The following RASEF variants were observed in gnomAD, a reference collection of about 807,000 sequenced individuals.
RASEF encodes the protein RAS and EF-hand domain containing, also known as ras and EF-hand domain-containing protein.
RASEF carries 68 observed loss-of-function variants against 90.1 expected under a neutral mutation model. The observed-to-expected ratio is 0.75, with a 90% CI of 0.62 to 0.92. The LOEUF (loss-of-function observed/expected upper bound fraction) is 0.92. Among genes scored for constraint, RASEF ranks in the 40% least tolerant of loss-of-function variants. RASEF has a pLI of 0.00. For synonymous variants in RASEF, 331 were observed against 345.2 expected, an observed-to-expected ratio of 0.96 and a Z score of 0.46; for missense variants, 949 against 937.2, an observed-to-expected ratio of 1.01 and a Z score of -0.16.
chr9:83,173,147 T>C, the RASEF span, among the ~76,000 whole-genome samples: 1 of 151,996 alleles, frequency 6.6e-6, no homozygotes. Context: ...GTTATTTGCT[T>C]CTTTTCAATT....
At chr9:82,998,923 T>C (rs1383720249) in intron 12 of RASEF, among the ~76,000 whole-genome samples, 2 of 152,170 alleles carry the variant, frequency 1.3e-5, no homozygotes, top group African/African-American at 2.4e-5. Flanking sequence ...TGTATACATA[T>C]GCGTGTGTAT....
intron 5 of RASEF, 86 bp downstream of exon 5, chr9:83,012,348 C>T: frequency 3.1e-6 from 2 of 645,732 alleles, no homozygotes; most frequent in Non-Finnish European, 2.5e-6. Flanking sequence ...TCCCTTTAAG[C>T]TGCTCTTCCT....
At chr9:83,058,682 C>G (rs925577519) in intron 1 of RASEF, among the ~76,000 whole-genome samples, 13 of 152,198 alleles carry the variant, frequency 8.5e-5, no homozygotes, top group African/African-American at 3.1e-4. Flanking sequence ...CCTCTGCCTA[C>G]TGGCAGCTAC....
intron 1 of RASEF, among the ~76,000 whole-genome samples, chr9:83,061,338 T>C (rs563472665): frequency 2.4e-4 from 36 of 152,290 alleles, no homozygotes; most frequent in African/African-American, 8.4e-4. Context: ...GGGCTTCCAA[T>C]GAACAAGCAC....
the RASEF span, among the ~76,000 whole-genome samples, chr9:83,175,610 T>G: frequency 2.0e-5 from 3 of 151,926 alleles, no homozygotes; most frequent in African/African-American, 7.3e-5. Flanking sequence ...AGATGGAGTC[T>G]CACTCTGTTG....
intron 1 of RASEF, among the ~76,000 whole-genome samples, chr9:83,031,129 T>C (rs958015001): frequency 6.6e-6 from 1 of 152,224 alleles, no homozygotes; most frequent in African/African-American, 2.4e-5. Context: ...GTAAGACTTG[T>C]TCTTTGTTAC....
At chr9:83,195,875 A>G in the RASEF span, among the ~76,000 whole-genome samples, 3 of 152,170 alleles carry the variant, frequency 2.0e-5, no homozygotes, top group African/African-American at 7.2e-5. Flanking sequence ...TTTGATTGTC[A>G]GGCATGTTCA....
At chr9:83,038,968 A>T (rs1484648167) in intron 1 of RASEF, among the ~76,000 whole-genome samples, 1 of 152,210 alleles carries the variant, frequency 6.6e-6, no homozygotes, top group Non-Finnish European at 1.5e-5. Flanking sequence ...CAACAAGGAG[A>T]CAAAGTTCAG....
At chr9:83,103,765 G>GAA in the RASEF span, among the ~76,000 whole-genome samples, 1 of 152,108 alleles carries the variant, frequency 6.6e-6, no homozygotes, top group Non-Finnish European at 1.5e-5. Context: ...TAGACCCCTG[G>GAA]ATTGCTAAGA....
At chr9:83,125,373 AT>A in the RASEF span, among the ~76,000 whole-genome samples, 4 of 152,166 alleles carry the variant, frequency 2.6e-5, no homozygotes, top group African/African-American at 9.7e-5. Flanking sequence ...GCCCACTGAC[AT>A]GGATTTTGGA....
At chr9:82,985,243 C>T (rs887114140) in intron 16 of RASEF, among the ~76,000 whole-genome samples, 1 of 152,110 alleles carries the variant, frequency 6.6e-6, no homozygotes, top group Admixed American at 6.5e-5. Context: ...CTGGGGAGGC[C>T]TCAGAATCAT....
intron 1 of RASEF, among the ~76,000 whole-genome samples, chr9:83,028,385 C>G (rs183750438): frequency 9.8e-5 from 15 of 152,304 alleles, no homozygotes; most frequent in Admixed American, 8.5e-4. Flanking sequence ...CTCCAGGAAC[C>G]AAGAAGTCTG....
At chr9:83,184,097 GAC>G in the RASEF span, among the ~76,000 whole-genome samples, 2 of 152,194 alleles carry the variant, frequency 1.3e-5, no homozygotes, top group Non-Finnish European at 2.9e-5. Context: ...AACTAGAATT[GAC>G]AGAGGATGAG....
At chr9:83,123,599 T>G in the RASEF span, among the ~76,000 whole-genome samples, 2,135 of 134,558 alleles carry the variant, frequency 0.016, 49 homozygotes, top group African/African-American at 0.055. Context: ...GCCCAAACCC[T>G]CCAACAGATG....
the RASEF span, among the ~76,000 whole-genome samples, chr9:83,141,544 C>T: frequency 0.54 from 81,883 of 152,126 alleles, 22,714 homozygotes; most frequent in African/African-American, 0.67. Context: ...GAAGGATTTA[C>T]GCTTTAAAAG....
chr9:83,173,899 CT>C, the RASEF span, among the ~76,000 whole-genome samples: 1 of 151,726 alleles, frequency 6.6e-6, no homozygotes. Flanking sequence ...ATTTTTCGTT[CT>C]TGATACGGTG....
In RASEF at chr9:83,009,816, GAAGTA is replaced by G. The variant is rs1587491801; in HGVS notation, c.844-65_844-61del. The G allele has an allele frequency of 5.0e-6, 5 of 1,007,550 alleles. No homozygotes were observed. In the East Asian group the frequency reaches 1.2e-4, roughly 24 times the overall value. The allele number at this position is 1,007,550 out of a possible 1,614,324, so 62.4% of individuals were successfully genotyped here. A position where few individuals can be genotyped will look rare whatever the true frequency, so the allele number is the denominator to read the frequency against. On this transcript the variant is annotated intron_variant, in intron 5 of 16. Transcript: ENST00000376447. Reference sequence around the variant, plus strand: ...AGATTTTCCTCTGCCTGGGAGAAATGAAGTAAAGTGTCCTGTCACCCTCCCACACC... The same window carrying G: ...AGATTTTCCTCTGCCTGGGAGAAATGAAGTGTCCTGTCACCCTCCCACACC...
chr9:83,145,546 G>A, the RASEF span, among the ~76,000 whole-genome samples: 2,367 of 152,022 alleles, frequency 0.016, 30 homozygotes, highest in Non-Finnish European at 0.025. Flanking sequence ...ATTTTAACCT[G>A]TCTTACCACA....
the RASEF span, among the ~76,000 whole-genome samples, chr9:83,092,197 C>T: frequency 2.0e-5 from 3 of 151,782 alleles, no homozygotes; most frequent in East Asian, 5.8e-4. Flanking sequence ...TCTTGCAAAG[C>T]TTCAGTTAAC....
Sources: gnomAD v4.1 joint callset for allele counts (sites outside exome capture counted in the v4.1 genomes callset) on GRCh38, gnomAD v4.1.1 for gene constraint, MANE v1.5 for transcripts, NCBI Gene and HGNC (gene_info 2026-07-23, HGNC 2026-07-21) for gene names.